The following SLC23A2 variants were observed in gnomAD, a reference collection of about 807,000 sequenced individuals.
SLC23A2 encodes solute carrier family 23 member 2.
Under a neutral mutation model 73.3 loss-of-function variants are expected in SLC23A2, and 36 were observed. The ratio of observed to expected loss-of-function variants is 0.49; its 90% CI spans 0.38 to 0.65. The LOEUF is 0.65. SLC23A2 is among the 30% of genes least tolerant of loss of function. SLC23A2 has a pLI of 0.00. For missense variants in SLC23A2, 507 were observed against 841.6 expected, an observed-to-expected ratio of 0.60 and a Z score of 4.92; for synonymous variants, 343 against 327.3, an observed-to-expected ratio of 1.05 and a Z score of -0.52.
chr20:4,886,479 T>C (rs1395926611), intron 6 of SLC23A2, among the ~76,000 whole-genome samples: 1 of 152,188 alleles, frequency 6.6e-6, no homozygotes, highest in Non-Finnish European at 1.5e-5. Context: ...TGCTTAATCA[T>C]AAAAATACTT....
Position 4,859,388 on chromosome 20 carries a change from GA to G in SLC23A2, c.1625-5del. On this transcript the variant is annotated splice_region_variant and splice_polypyrimidine_tract_variant and intron_variant, in intron 15 of 16. Transcript: ENST00000338244. ...ACTTGATCGATTCCTGTTATCCCTA[GA>G]AAGAGAACACAGCCATAAACGATCA... 6.3e-7 allele frequency: 1 copy of G among 1,595,534 alleles called. No homozygotes were observed. Among genetic ancestry groups the G allele is most frequent in the Non-Finnish European group, 8.6e-7 (1 of 1,163,040 alleles).
At chr20:5,007,868 C>T (rs2088207910) in intron 1 of SLC23A2, among the ~76,000 whole-genome samples, 1 of 151,944 alleles carries the variant, frequency 6.6e-6, no homozygotes, top group South Asian at 2.1e-4. Context: ...TTCAATATTT[C>T]ATTCCTTTTT....
chr20:4,872,562 G>T lies in SLC23A2; in HGVS notation c.1102+1374C>A, dbSNP rs188137309. Among the ~76,000 whole-genome samples, 179 of 152,116 alleles carry T rather than the reference G, an allele frequency of 1.2e-3. No individual in the cohort carries two copies. The highest frequency in any genetic ancestry group is 4.0e-3 in the African/African-American group (167 of 41,500). On this transcript the variant is annotated intron_variant, in intron 11 of 16. Coordinates refer to ENST00000338244, the MANE Select transcript of SLC23A2 (RefSeq NM_005116.6). This position sits in a 1 kb window ranked among gnomAD's most constrained non-coding sequence, Gnocchi z 4.4. The stretch of plus-strand genomic sequence containing the variant: ...ACAAGCAGAAGACCACCTTGTATAC[G>T]CTGTGGGGGCTTCTACCTACCTGCC...
At chr20:4,881,761 A>G (rs1236088304) in intron 9 of SLC23A2, among the ~76,000 whole-genome samples, 1 of 151,852 alleles carries the variant, frequency 6.6e-6, no homozygotes, top group East Asian at 1.9e-4. Flanking sequence ...AAGGTTGTGA[A>G]TTTTCTTGAG....
At chr20:5,007,873 C>A (rs965313519) in intron 1 of SLC23A2, among the ~76,000 whole-genome samples, 5 of 151,452 alleles carry the variant, frequency 3.3e-5, no homozygotes, top group Non-Finnish European at 7.4e-5. Context: ...TATTTCATTC[C>A]TTTTTTCATT....
intron 1 of SLC23A2, among the ~76,000 whole-genome samples, chr20:4,994,086 A>G (rs1209463936): frequency 6.6e-6 from 1 of 151,974 alleles, no homozygotes; most frequent in Non-Finnish European, 1.5e-5. Context: ...CCCTGTCTCA[A>G]AAAATATAGA....
intron 1 of SLC23A2, among the ~76,000 whole-genome samples, chr20:4,971,768 C>G (rs1358664846): frequency 1.3e-5 from 2 of 152,072 alleles, no homozygotes; most frequent in African/African-American, 4.8e-5. Context: ...ACTTGGGCAA[C>G]AGAGCAACAC....
chr20:4,924,378 C>G (rs1350189134), intron 3 of SLC23A2, among the ~76,000 whole-genome samples: 1 of 152,188 alleles, frequency 6.6e-6, no homozygotes, highest in Non-Finnish European at 1.5e-5. Flanking sequence ...CCCCCACCCT[C>G]ATCCAGCCCA....
chr20:4,987,127 G>GC (rs1420526843), intron 1 of SLC23A2, among the ~76,000 whole-genome samples: 1 of 152,130 alleles, frequency 6.6e-6, no homozygotes, highest in East Asian at 1.9e-4. Context: ...GGGTCCAGAA[G>GC]CAAGTGCAAA....
chr20:4,890,181 C>T (rs1349977428), intron 6 of SLC23A2, among the ~76,000 whole-genome samples: 1 of 152,142 alleles, frequency 6.6e-6, no homozygotes, highest in Non-Finnish European at 1.5e-5. Context: ...CCTTCATCTA[C>T]CAAGACAACA....
Position 4,868,369 on chromosome 20 carries a change from C to T in SLC23A2, c.1251-494G>A, listed in dbSNP as rs949105145. On this transcript the variant is annotated intron_variant, in intron 12 of 16. Transcript: ENST00000338244. This position sits in a 1 kb window ranked among gnomAD's most constrained non-coding sequence, Gnocchi z 4.4. ...GATTACAGGCGTGAGCCACTGTGCC[C>T]GGCCAGAATCTGCATTTTAACAGAA... Among the ~76,000 whole-genome samples the T allele has an allele frequency of 6.6e-6, 1 of 152,126 alleles. No homozygotes were observed. The highest frequency in any genetic ancestry group is 2.4e-5 in the African/African-American group (1 of 41,424).
intron 15 of SLC23A2, among the ~76,000 whole-genome samples, chr20:4,861,264 T>C (rs77264893): frequency 0.026 from 3,964 of 152,236 alleles, 180 homozygotes; most frequent in African/African-American, 0.09. Flanking sequence ...GGTTTTATTT[T>C]GGGGTAATGA....
chr20:4,958,430 C>T (rs983186582), intron 2 of SLC23A2, among the ~76,000 whole-genome samples: 1 of 152,200 alleles, frequency 6.6e-6, no homozygotes, highest in African/African-American at 2.4e-5. Flanking sequence ...ACATTCTTCA[C>T]TATAAAGTTT....
intron 7 of SLC23A2, 71 bp downstream of exon 7, chr20:4,885,750 G>T: frequency 1.9e-6 from 2 of 1,077,054 alleles, no homozygotes; most frequent in Non-Finnish European, 2.9e-6. Context: ...GCTGAGGGCA[G>T]CACGTCCAGG....
At chr20:4,960,303 T>C (rs1156900398) in intron 2 of SLC23A2, among the ~76,000 whole-genome samples, 2 of 152,224 alleles carry the variant, frequency 1.3e-5, no homozygotes, top group Non-Finnish European at 2.9e-5. Context: ...CTGTATCTTG[T>C]TGACAGAGAA....
intron 2 of SLC23A2, among the ~76,000 whole-genome samples, chr20:4,948,618 C>T (rs1165512546): frequency 6.6e-6 from 1 of 152,230 alleles, no homozygotes; most frequent in Middle Eastern, 3.2e-3. Context: ...CAGGTTAACA[C>T]CACATACGTG....
intron 2 of SLC23A2, among the ~76,000 whole-genome samples, chr20:4,955,932 T>C (rs897802495): frequency 2.0e-5 from 3 of 152,192 alleles, no homozygotes; most frequent in African/African-American, 4.8e-5. Flanking sequence ...TGTGTTTATC[T>C]GCATTCTTAA....
At position 4,857,291 on chromosome 20, in the gene SLC23A2, C is replaced by CACACAT. The variant is rs1929757192; in HGVS notation, c.1721-88_1721-87insATGTGT. On this transcript the variant is annotated intron_variant, in intron 16 of 16. Coordinates refer to ENST00000338244, the MANE Select transcript of SLC23A2 (RefSeq NM_005116.6). The surrounding 1 kb of genome is among the most constrained non-coding windows in gnomAD (Gnocchi z 4.0). ...AACTGTCGTCAAACACATACACACA[C>CACACAT]ACACACACACACACACACACACACA... The CACACAT allele has an allele frequency of 3.1e-5, 8 of 261,822 alleles. No individual in the cohort carries two copies. The Admixed American group carries it at 5.0e-4, about 16-fold the overall frequency. The allele number at this position is 261,822 out of a possible 1,614,324, so 16.2% of individuals were successfully genotyped here. A position where few individuals can be genotyped will look rare whatever the true frequency, so the allele number is the denominator to read the frequency against.
intron 4 of SLC23A2, among the ~76,000 whole-genome samples, chr20:4,906,941 G>A (rs747827479): frequency 2.0e-5 from 3 of 152,192 alleles, no homozygotes; most frequent in Non-Finnish European, 4.4e-5. Flanking sequence ...GAGGTGGGCT[G>A]GCTGACCAGC....
Sources: gnomAD v4.1 joint callset for allele counts (sites outside exome capture counted in the v4.1 genomes callset) on GRCh38, gnomAD v4.1.1 for gene constraint, Gnocchi (gnomAD v3.1) non-coding constraint, MANE v1.5 for transcripts, NCBI Gene and HGNC (gene_info 2026-07-23, HGNC 2026-07-21) for gene names.